Variants in OR4N2 observed in about 807,000 individuals in gnomAD.
The protein encoded by OR4N2 is olfactory receptor family 4 subfamily N member 2.
For synonymous variants in OR4N2, 141 were observed against 140.4 expected (o/e 1.00, Z -0.03); for missense variants, 307 against 377.6 (o/e 0.81, Z 1.55).
chr14:19,820,161 G>A (rs1349691650), intron 1 of OR4N2, among the ~76,000 whole-genome samples: 2 of 152,224 alleles, frequency 1.3e-5, no homozygotes, highest in African/African-American at 2.4e-5. Flanking sequence ...GGAGGCACAG[G>A]CATCAGGGAG....
intron 1 of OR4N2, among the ~76,000 whole-genome samples, chr14:19,804,974 A>G (rs544291455): frequency 2.6e-5 from 4 of 151,990 alleles, no homozygotes; most frequent in Admixed American, 2.0e-4. Context: ...TTCGATTATT[A>G]TTGGTTTATA....
intron 1 of OR4N2, among the ~76,000 whole-genome samples, chr14:19,807,709 G>A (rs956093327): frequency 5.3e-5 from 8 of 152,112 alleles, no homozygotes; most frequent in Non-Finnish European, 1.0e-4. Context: ...AATTGAGGAG[G>A]AGGAGCTCCT....
At chr14:19,816,598 AG>A (rs1879433759) in intron 1 of OR4N2, among the ~76,000 whole-genome samples, 1 of 152,260 alleles carries the variant, frequency 6.6e-6, no homozygotes, top group South Asian at 2.1e-4. Context: ...TTTTGGGCTA[AG>A]AAGATGGGAT....
intron 1 of OR4N2, among the ~76,000 whole-genome samples, chr14:19,804,623 G>A (rs1444342320): frequency 6.6e-6 from 1 of 152,192 alleles, no homozygotes. Context: ...TCGATTGTGT[G>A]GCTGATTTTA....
In OR4N2 at chr14:19,827,929, G is replaced by T; in HGVS notation, c.481G>T (p.Val161Phe). 6.2e-7 allele frequency: 1 copy of T among 1,614,202 alleles called. No homozygotes were observed. The highest frequency in any genetic ancestry group is 8.5e-7 in the Non-Finnish European group (1 of 1,180,044). The change falls in exon 2 of 2, where the codon GTC (valine) becomes TTC (phenylalanine). Residue 161 changes from valine (V) to phenylalanine (F), a missense_variant. Val to Phe is a conservative substitution (Grantham distance 50). Transcript: ENST00000557677. ...GGFVHSIIQV[V>F]LILRLPFCGP... ...TTTTGTCCACTCCATTATCCAGGTG[G>T]TCCTCATCCTCCGCTTGCCTTTTTG... is the stretch of plus-strand genomic sequence containing the variant.
Position 19,828,165 on chromosome 14 carries a change from G to T in OR4N2, c.717G>T (p.Thr239=), listed in dbSNP as rs578073203. The part of the protein sequence containing the change: ...SSEAKNKAMS[T]CITHIIVIFF... ...AGGCAAAAAACAAGGCCATGTCCAC[G>T]TGCATCACCCATATCATTGTTATAT... The change falls in exon 2 of 2, where the codon ACG becomes ACT. Residue 239 remains threonine (T), a synonymous_variant. Transcript: ENST00000557677. 6.8e-6 allele frequency: 11 copies of T among 1,614,080 alleles called. No individual in the cohort carries two copies. Among genetic ancestry groups the T allele is most frequent in the Admixed American group, 3.3e-5 (2 of 60,006 alleles).
chr14:19,825,993 T>C (rs1879688742), intron 1 of OR4N2, among the ~76,000 whole-genome samples: 1 of 152,264 alleles, frequency 6.6e-6, no homozygotes, highest in Non-Finnish European at 1.5e-5. Context: ...AGACATTTTT[T>C]GAATATATAA....
chr14:19,821,638 G>A (rs1245747670), intron 1 of OR4N2, among the ~76,000 whole-genome samples: 3 of 152,180 alleles, frequency 2.0e-5, no homozygotes, highest in African/African-American at 4.8e-5. Context: ...ATAGGGTTCT[G>A]TCTTTCTCAC....
At chr14:19,813,550 T>C (rs1879353644) in intron 1 of OR4N2, among the ~76,000 whole-genome samples, 1 of 152,258 alleles carries the variant, frequency 6.6e-6, no homozygotes, top group Non-Finnish European at 1.5e-5. Flanking sequence ...AAGTGGGAGC[T>C]TAAGGGTAAT....
chr14:19,816,866 T>A (rs537820561), intron 1 of OR4N2, among the ~76,000 whole-genome samples: 1 of 152,348 alleles, frequency 6.6e-6, no homozygotes, highest in Admixed American at 6.5e-5. Flanking sequence ...TCAGATACGT[T>A]CCATCAATAC....
chr14:19,814,754 G>T (rs535861612), intron 1 of OR4N2, among the ~76,000 whole-genome samples: 1 of 152,298 alleles, frequency 6.6e-6, no homozygotes, highest in Non-Finnish European at 1.5e-5. Flanking sequence ...TATGTGCCAT[G>T]GTGGCTTGCT....
At chr14:19,824,061 C>T (rs574278396) in intron 1 of OR4N2, among the ~76,000 whole-genome samples, 14 of 152,286 alleles carry the variant, frequency 9.2e-5, no homozygotes, top group South Asian at 2.1e-4. Context: ...GATCAATGCA[C>T]GAATTAGCTG....
chr14:19,810,215 T>A (rs1388827985), intron 1 of OR4N2, among the ~76,000 whole-genome samples: 2 of 152,216 alleles, frequency 1.3e-5, no homozygotes, highest in Non-Finnish European at 2.9e-5. Flanking sequence ...AAGACCTACA[T>A]GCAGCCAAGA....
chr14:19,825,493 T>G (rs1457771525), intron 1 of OR4N2, among the ~76,000 whole-genome samples: 2 of 152,054 alleles, frequency 1.3e-5, no homozygotes, highest in Non-Finnish European at 2.9e-5. Context: ...AAGAAATATT[T>G]TCCCTTCCTT....
In OR4N2 at chr14:19,827,623, C is replaced by T. The variant is rs757493913; in HGVS notation, c.175C>T (p.Leu59Phe). Residue 59 changes from leucine to phenylalanine, a missense_variant, in exon 2 of 2, where the codon CTC becomes TTC. By Grantham distance (22) the Leu-to-Phe change is conservative. Coordinates refer to ENST00000557677, the MANE Select transcript of OR4N2 (RefSeq NM_001004723.3). ...GTCAGACCCTGGGCTCACAGCCCCC[C>T]TCTATTTCTTTCTGGGCAACTTGGC... ...IKSDPGLTAP[L>F]YFFLGNLAFL... is the part of the protein sequence containing the mutation. 6.2e-6 allele frequency: 10 copies of T among 1,614,004 alleles called. No individual in the cohort carries two copies. The highest frequency in any genetic ancestry group is 4.0e-5 in the African/African-American group (3 of 74,928).
intron 1 of OR4N2, among the ~76,000 whole-genome samples, chr14:19,819,409 TGTC>T (rs1336924791): frequency 3.9e-5 from 6 of 152,256 alleles, no homozygotes; most frequent in African/African-American, 1.4e-4. Flanking sequence ...TCTCCAATCT[TGTC>T]GTCACGCTTT....
At chr14:19,806,820 TC>T (rs1879176378) in intron 1 of OR4N2, among the ~76,000 whole-genome samples, 2 of 152,294 alleles carry the variant, frequency 1.3e-5, no homozygotes, top group Admixed American at 6.5e-5. Context: ...AGAAAGCAAG[TC>T]TCAATGCATT....
intron 1 of OR4N2, among the ~76,000 whole-genome samples, chr14:19,813,340 C>T (rs1195620481): frequency 1.3e-5 from 2 of 152,216 alleles, no homozygotes; most frequent in South Asian, 2.1e-4. Flanking sequence ...GAATGCCATG[C>T]GAGCTGTCAC....
intron 1 of OR4N2, among the ~76,000 whole-genome samples, chr14:19,814,620 T>C (rs1236099103): frequency 6.6e-6 from 1 of 152,250 alleles, no homozygotes; most frequent in African/African-American, 2.4e-5. Flanking sequence ...AACTGCCATG[T>C]TGAGCCATGT....
Sources: allele counts gnomAD v4.1 joint callset (sites outside exome capture counted in the v4.1 genomes callset), GRCh38; gene constraint gnomAD v4.1.1; transcripts MANE v1.5; gene names NCBI Gene and HGNC (gene_info 2026-07-23, HGNC 2026-07-21).